TRAK2: variants seen among roughly 807,000 people sequenced by gnomAD.
TRAK2 encodes the protein trafficking kinesin-binding protein 2.
Under a neutral mutation model 104.6 loss-of-function variants are expected in TRAK2, and 81 were observed. The observed-to-expected ratio is 0.77, with a 90% CI of 0.65 to 0.93. The LOEUF is 0.93. TRAK2 is among the 40% of genes least tolerant of loss of function. TRAK2 has a pLI of 0.00. For missense variants in TRAK2, 1,002 were observed against 1,089.0 expected (o/e 0.92, Z 1.12); for synonymous variants, 406 against 394.4 (o/e 1.03, Z -0.35).
chr2:201,394,918 T>A, intron 8 of TRAK2, 46 bp from the exon 9 acceptor site: 1 of 1,467,856 alleles, frequency 6.8e-7, no homozygotes, highest in African/African-American at 1.4e-5. Context: ...CCAAGTAAAA[T>A]ATAGCTATTC....
In TRAK2 at chr2:201,380,408, C is replaced by T. The variant is rs1449276067; in HGVS notation, c.*135G>A. The stretch of plus-strand genomic sequence containing the variant: ...GGCTCATCCCAATTTTATTTCCATT[C>T]CTCCATTCCCCCTTTCACATTCACA... On this transcript the variant is annotated 3_prime_UTR_variant, in exon 16 of 16. Transcript: ENST00000332624. 22 of 924,370 alleles carry T rather than the reference C, an allele frequency of 2.4e-5. No homozygotes were observed. The South Asian group carries it at 3.0e-4, about 13-fold the overall frequency. The allele number at this position is 924,370 out of a possible 1,614,324, so 57.3% of individuals were successfully genotyped here. A position where few individuals can be genotyped will look rare whatever the true frequency, so the allele number is the denominator to read the frequency against.
Position 201,380,768 on chromosome 2 carries a change from T to C in TRAK2, c.2520A>G (p.Arg840=). 1 of 1,614,094 alleles carries C rather than the reference T, an allele frequency of 6.2e-7. No homozygotes were observed. Among genetic ancestry groups the C allele is most frequent in the Non-Finnish European group, 8.5e-7 (1 of 1,179,988 alleles). The change falls in exon 16 of 16, where the codon AGA becomes AGG. Residue 840 remains arginine (R), a synonymous_variant. Coordinates refer to ENST00000332624, the MANE Select transcript of TRAK2 (RefSeq NM_015049.3). ...TCTTGACCACTCTGGCTATCCCCAGTCTCTTCAGCCTGTCCACTAAGTTCA... is the reference window on the plus strand; with the variant it reads ...TCTTGACCACTCTGGCTATCCCCAGCCTCTTCAGCCTGTCCACTAAGTTCA... ...LKMNLVDRLK[R]LGIARVVKNP... is the part of the protein sequence containing the mutation.
At chr2:201,424,361 T>C (rs973947895) in intron 1 of TRAK2, among the ~76,000 whole-genome samples, 1 of 152,220 alleles carries the variant, frequency 6.6e-6, no homozygotes, top group South Asian at 2.1e-4. Flanking sequence ...GACCTAGATT[T>C]ATAGTTTAGG....
chr2:201,395,376 A>G lies in TRAK2; in HGVS notation c.838T>C (p.Tyr280His), dbSNP rs764130159. The change falls in exon 8 of 16, where the codon TAC (tyrosine) becomes CAC (histidine). Residue 280 changes from tyrosine to histidine, a missense_variant. By Grantham distance (83) the Tyr-to-His change is moderately conservative. Coordinates refer to ENST00000332624, the MANE Select transcript of TRAK2 (RefSeq NM_015049.3). Reference sequence around the variant, plus strand: ...AAAAGAGAGGAAAGCTCTTCTTGGTATCGAATCAGCTCATCACTCTTCCCT... The same window carrying G: ...AAAAGAGAGGAAAGCTCTTCTTGGTGTCGAATCAGCTCATCACTCTTCCCT... ...LSGKSDELIR[Y>H]QEELSSLLSQ... 48 of 1,604,888 alleles carry G rather than the reference A, an allele frequency of 3.0e-5. No individual in the cohort carries two copies. The East Asian group carries it at 9.6e-4, about 32-fold the overall frequency.
rs1951313010 is a variant in TRAK2, at chr2:201,378,962, C to T, written c.*1581G>A. The T allele has an allele frequency of 6.6e-6, 1 of 151,998 alleles. No homozygotes were observed. Among genetic ancestry groups the T allele is most frequent in the Admixed American group, 6.6e-5 (1 of 15,250 alleles). The allele number at this position is 151,998 out of a possible 1,614,324, so 9.4% of individuals were successfully genotyped here. A position where few individuals can be genotyped will look rare whatever the true frequency, so the allele number is the denominator to read the frequency against. ...GGTGTGCCTATGGGAACCATAGGAG[C>T]AAGAGTCAAGAGTTCTTCAGAAAAC... On this transcript the variant is annotated 3_prime_UTR_variant, in exon 16 of 16. Coordinates refer to ENST00000332624, the MANE Select transcript of TRAK2 (RefSeq NM_015049.3).
At chr2:201,412,397 G>T in intron 2 of TRAK2, 1 of 1,323,238 alleles carries the variant, frequency 7.6e-7, no homozygotes, top group Non-Finnish European at 1.1e-6. Flanking sequence ...TTTAACAGTA[G>T]CCTTACATGT....
intron 1 of TRAK2, among the ~76,000 whole-genome samples, chr2:201,430,369 C>T (rs186827812): frequency 6.6e-6 from 1 of 152,316 alleles, no homozygotes; most frequent in Non-Finnish European, 1.5e-5. Context: ...CAGACAGGGA[C>T]GTTTAAGTCT....
chr2:201,410,882 T>G, intron 2 of TRAK2: 1 of 1,588,114 alleles, frequency 6.3e-7, no homozygotes, highest in Non-Finnish European at 8.6e-7. Flanking sequence ...TTCAAAGCAC[T>G]GAAGTTTGGC....
At chr2:201,411,254 T>G (rs1412092524) in intron 2 of TRAK2, 1 of 733,336 alleles carries the variant, frequency 1.4e-6, no homozygotes, top group African/African-American at 1.7e-5. Context: ...TCAACTTCTA[T>G]GCCTGCTCTT....
chr2:201,382,528 A>G (rs547501794), intron 15 of TRAK2, among the ~76,000 whole-genome samples: 3 of 152,214 alleles, frequency 2.0e-5, no homozygotes, highest in South Asian at 2.1e-4. Flanking sequence ...AAATCTCCCT[A>G]TTTCTACTAG....
chr2:201,419,315 A>C (rs1951719899), intron 2 of TRAK2: 1 of 153,548 alleles, frequency 6.5e-6, no homozygotes, highest in Non-Finnish European at 1.5e-5. Flanking sequence ...AAACACAGTC[A>C]CATTCATTTT....
intron 1 of TRAK2, among the ~76,000 whole-genome samples, chr2:201,441,402 C>T (rs140200807): frequency 1.3e-4 from 20 of 152,256 alleles, no homozygotes; most frequent in Admixed American, 3.9e-4. Flanking sequence ...TTAAAATAAG[C>T]CCCACATCAA....
rs1306767211 is a variant in TRAK2 at position 201,420,512 on chromosome 2, G to T, written c.-5C>A. On this transcript the variant is annotated 5_prime_UTR_variant, in exon 2 of 16. Transcript: ENST00000332624. The stretch of plus-strand genomic sequence containing the variant: ...TGCATTCTGGGATTGACTCATGCAG[G>T]ATCCTTTCTTGCTTTGGTTGAGAAG... The T allele has an allele frequency of 6.2e-7, 1 of 1,612,870 alleles. No individual in the cohort carries two copies. The highest frequency in any genetic ancestry group is 8.5e-7 in the Non-Finnish European group (1 of 1,179,070).
intron 2 of TRAK2, chr2:201,412,552 G>A (rs1951657260): frequency 1.6e-6 from 2 of 1,277,926 alleles, no homozygotes; most frequent in African/African-American, 3.0e-5. Flanking sequence ...ATACATAACA[G>A]TTCCTAAAGA....
intron 1 of TRAK2, among the ~76,000 whole-genome samples, chr2:201,424,629 G>C (rs1312059859): frequency 1.3e-5 from 2 of 151,490 alleles, no homozygotes; most frequent in East Asian, 1.9e-4. Context: ...TTGAGACAGA[G>C]TCTCACTCTT....
At chr2:201,438,713 TAGA>T (rs1243340437) in intron 1 of TRAK2, among the ~76,000 whole-genome samples, 3 of 152,124 alleles carry the variant, frequency 2.0e-5, no homozygotes, top group African/African-American at 4.8e-5. Flanking sequence ...TTACTGAATA[TAGA>T]AGAAGAAGAA....
chr2:201,411,751 G>T, intron 2 of TRAK2: 1 of 783,798 alleles, frequency 1.3e-6, no homozygotes, highest in Non-Finnish European at 2.4e-6. Context: ...ATACCATCAA[G>T]TACCAACCAC....
chr2:201,394,893 A>G (rs1262260188), intron 8 of TRAK2, 21 bp from the exon 9 acceptor site: 4 of 1,599,100 alleles, frequency 2.5e-6, no homozygotes, highest in Admixed American at 1.7e-5. Flanking sequence ...ATTAAAAAAG[A>G]CATGTGAAGC....
intron 2 of TRAK2, among the ~76,000 whole-genome samples, chr2:201,418,341 A>C (rs1951710708): frequency 6.6e-6 from 1 of 152,144 alleles, no homozygotes; most frequent in Non-Finnish European, 1.5e-5. Context: ...CACCACGCCC[A>C]GCTGTTTTTA....
Sources: gnomAD v4.1 joint callset for allele counts (sites outside exome capture counted in the v4.1 genomes callset) on GRCh38, gnomAD v4.1.1 for gene constraint, MANE v1.5 for transcripts, NCBI Gene and HGNC (gene_info 2026-07-23, HGNC 2026-07-21) for gene names.